The following FMN2 variants were observed in gnomAD, a reference collection of about 807,000 sequenced individuals.
FMN2 encodes formin 2.
FMN2 carries 51 observed loss-of-function variants against 142.3 expected under a neutral mutation model. The observed-to-expected ratio is 0.36, with a 90% CI of 0.29 to 0.45. The LOEUF (loss-of-function observed/expected upper bound fraction) is 0.45, where lower values mean the gene tolerates loss of function less well. Ranked by LOEUF, FMN2 falls within the 20% of genes least tolerant of loss-of-function variation. The probability of loss-of-function intolerance (pLI) is 1.00; values close to 1 mark genes in which losing one functional copy is unlikely to be tolerated. For missense variants in FMN2, 1,936 were observed against 2,122.8 expected (o/e 0.91, Z 1.73); for synonymous variants, 882 against 869.8 (o/e 1.01, Z -0.25).
chr1:240,268,601 A>G (rs1668891418), intron 7 of FMN2, among the ~76,000 whole-genome samples: 1 of 152,082 alleles, frequency 6.6e-6, no homozygotes, highest in Non-Finnish European at 1.5e-5. Flanking sequence ...GGTGTGGGCC[A>G]TGAGTAGAAT....
intron 7 of FMN2, among the ~76,000 whole-genome samples, chr1:240,260,683 CT>C (rs1355787548): frequency 1.3e-5 from 2 of 152,116 alleles, no homozygotes; most frequent in Non-Finnish European, 2.9e-5. Flanking sequence ...ATTGTGAAGA[CT>C]TTCTCCCACT....
At chr1:240,412,116 G>C (rs1217567407) in intron 15 of FMN2, among the ~76,000 whole-genome samples, 1 of 152,162 alleles carries the variant, frequency 6.6e-6, no homozygotes, top group Admixed American at 6.6e-5. Flanking sequence ...ATTGAAGAGG[G>C]ATGCCAATTC....
At chr1:240,152,558 T>C (rs1400859146) in intron 2 of FMN2, among the ~76,000 whole-genome samples, 1 of 152,140 alleles carries the variant, frequency 6.6e-6, no homozygotes, top group Non-Finnish European at 1.5e-5. Context: ...CATACCACGC[T>C]CTCTTCTTCT....
intron 6 of FMN2, among the ~76,000 whole-genome samples, chr1:240,224,772 G>A (rs1046438008): frequency 2.0e-5 from 3 of 152,166 alleles, no homozygotes; most frequent in Non-Finnish European, 4.4e-5. Flanking sequence ...CAGCCAAGGA[G>A]ATGGGAGCTC....
chr1:240,116,175 T>C (rs2103204562), intron 1 of FMN2, among the ~76,000 whole-genome samples: 1 of 152,326 alleles, frequency 6.6e-6, no homozygotes, highest in African/African-American at 2.4e-5. Context: ...TATCAGTGGG[T>C]CTTTGTGACC....
intron 13 of FMN2, among the ~76,000 whole-genome samples, chr1:240,337,867 A>G (rs1226053712): frequency 6.6e-6 from 1 of 152,138 alleles, no homozygotes; most frequent in Non-Finnish European, 1.5e-5. Context: ...GCTCACTCCC[A>G]AGATTTCCAT....
At position 240,173,085 on chromosome 1, in the gene FMN2, G is replaced by A. The variant is rs1268247547; in HGVS notation, c.1783-4836G>A. ...CGAGTAGCTGGGACTACAGGCGCCTGCCACCACGCTCAGCTAATTTTTGTA... is the reference window on the plus strand; with the variant it reads ...CGAGTAGCTGGGACTACAGGCGCCTACCACCACGCTCAGCTAATTTTTGTA... On this transcript the variant is annotated intron_variant, in intron 2 of 17. Coordinates refer to ENST00000319653, the MANE Select transcript of FMN2 (RefSeq NM_020066.5). Among the ~76,000 whole-genome samples the A allele has an allele frequency of 2.0e-5, 3 of 152,042 alleles. No homozygotes were observed. In the East Asian group the frequency reaches 5.8e-4, roughly 29 times the overall value.
chr1:240,223,408 G>A (rs543682026), intron 6 of FMN2, among the ~76,000 whole-genome samples: 5 of 152,166 alleles, frequency 3.3e-5, no homozygotes, highest in Admixed American at 6.5e-5. Flanking sequence ...GAGGATTTTC[G>A]CATCGATGTT....
chr1:240,162,144 AC>A (rs1031716914), intron 2 of FMN2, among the ~76,000 whole-genome samples: 6 of 150,332 alleles, frequency 4.0e-5, no homozygotes, highest in African/African-American at 1.5e-4. Flanking sequence ...AAAAAAAAAA[AC>A]AAAAAATTGT....
At chr1:240,324,964 T>C (rs189486856) in intron 8 of FMN2, among the ~76,000 whole-genome samples, 1 of 152,276 alleles carries the variant, frequency 6.6e-6, no homozygotes, top group East Asian at 1.9e-4. Context: ...ATGTGTTTCT[T>C]TAAGATGATT....
intron 8 of FMN2, among the ~76,000 whole-genome samples, chr1:240,327,448 C>T (rs1671209167): frequency 6.6e-6 from 1 of 152,132 alleles, no homozygotes; most frequent in Non-Finnish European, 1.5e-5. Flanking sequence ...ATTTATCAGG[C>T]TGTAGCTTCT....
chr1:240,265,787 G>T (rs1461349921), intron 7 of FMN2, among the ~76,000 whole-genome samples: 1 of 151,938 alleles, frequency 6.6e-6, no homozygotes, highest in African/African-American at 2.4e-5. Flanking sequence ...ACACACACCT[G>T]CACCCATATT....
chr1:240,442,172 C>T (rs1675644079), intron 16 of FMN2, among the ~76,000 whole-genome samples: 1 of 152,172 alleles, frequency 6.6e-6, no homozygotes, highest in Non-Finnish European at 1.5e-5. Context: ...ACCCTTTCTT[C>T]CCAACCCACC....
chr1:240,203,236 T>C (rs1261474098), intron 4 of FMN2, among the ~76,000 whole-genome samples: 1 of 152,194 alleles, frequency 6.6e-6, no homozygotes, highest in Non-Finnish European at 1.5e-5. Context: ...TTATGTTCCA[T>C]TGTGAAAGAC....
chr1:240,274,686 C>T (rs1669132883), intron 7 of FMN2, among the ~76,000 whole-genome samples: 1 of 152,034 alleles, frequency 6.6e-6, no homozygotes, highest in African/African-American at 2.4e-5. Context: ...GAGACTATCA[C>T]AGCAACAGAT....
intron 2 of FMN2, among the ~76,000 whole-genome samples, chr1:240,153,387 T>TTG (rs1663867768): frequency 6.8e-6 from 1 of 147,456 alleles, no homozygotes; most frequent in Non-Finnish European, 1.5e-5. Context: ...TATTTACAGT[T>TTG]TTTTTTTTTT....
chr1:240,282,751 G>T (rs1349007329), intron 7 of FMN2, among the ~76,000 whole-genome samples: 1 of 152,190 alleles, frequency 6.6e-6, no homozygotes, highest in Non-Finnish European at 1.5e-5. Flanking sequence ...TTATCATCGA[G>T]TGTAAAATGT....
intron 6 of FMN2, among the ~76,000 whole-genome samples, chr1:240,223,776 G>T (rs1391830183): frequency 2.0e-5 from 3 of 152,182 alleles, no homozygotes; most frequent in African/African-American, 7.2e-5. Context: ...TTGGGTAGAG[G>T]TGTTTATAGT....
intron 6 of FMN2, among the ~76,000 whole-genome samples, chr1:240,248,372 TTATATATA>T (rs35386496): frequency 6.8e-6 from 1 of 146,688 alleles, no homozygotes; most frequent in Admixed American, 6.9e-5. Context: ...GTTTTATGGA[TTATATATA>T]TATATATAAC....
Sources: gnomAD v4.1 joint callset for allele counts (sites outside exome capture counted in the v4.1 genomes callset) on GRCh38, gnomAD v4.1.1 for gene constraint, MANE v1.5 for transcripts, NCBI Gene and HGNC (gene_info 2026-07-23, HGNC 2026-07-21) for gene names.